Variants in NEDD9 observed in about 807,000 individuals in gnomAD.
The protein encoded by NEDD9 is enhancer of filamentation 1.
NEDD9 carries 26 observed loss-of-function variants against 76.6 expected under a neutral mutation model. The observed-to-expected ratio is 0.34, with a 90% CI of 0.25 to 0.47. NEDD9 has a LOEUF of 0.47. NEDD9 is among the 20% of genes least tolerant of loss of function. The probability of loss-of-function intolerance (pLI) is 1.00; values close to 1 mark genes in which losing one functional copy is unlikely to be tolerated. For synonymous variants in NEDD9, 392 were observed against 414.2 expected, an observed-to-expected ratio of 0.95 and a Z score of 0.65; for missense variants, 937 against 1,058.5, an observed-to-expected ratio of 0.89 and a Z score of 1.59.
rs114592948 is a variant in NEDD9, at chr6:11,281,746, T to C, written c.12+24246A>G. On this transcript the variant is annotated intron_variant, in intron 3 of 3. Coordinates refer to the NEDD9 transcript ENST00000397378. The stretch of plus-strand genomic sequence containing the variant: ...CAACCTCAGGATTACTCTTTTTTTA[T>C]ATATTTTTATTTTTATTTTTATCTT... Among the ~76,000 whole-genome samples the C allele has an allele frequency of 5.4e-3, 817 of 152,274 alleles. 5 individuals are homozygous for C. The highest frequency in any genetic ancestry group is 0.019 in the African/African-American group (781 of 41,564).
At chr6:11,216,906 C>A (rs559275019) in intron 1 of NEDD9, among the ~76,000 whole-genome samples, 1 of 152,298 alleles carries the variant, frequency 6.6e-6, no homozygotes, top group South Asian at 2.1e-4. Flanking sequence ...TATCTTAAAG[C>A]AGTATATTTC....
chr6:11,379,257 C>T (rs1763021140), intron 1 of NEDD9, among the ~76,000 whole-genome samples: 1 of 144,860 alleles, frequency 6.9e-6, no homozygotes, highest in African/African-American at 2.6e-5. Flanking sequence ...ATTCTGTGTG[C>T]TGTCAGGACT....
chr6:11,289,230 A>G (rs911479767), intron 3 of NEDD9, among the ~76,000 whole-genome samples: 3 of 152,274 alleles, frequency 2.0e-5, no homozygotes, highest in African/African-American at 7.2e-5. Flanking sequence ...GTGAACAATG[A>G]AGGCACATGT....
chr6:11,194,650 G>A (rs1351062961), intron 2 of NEDD9, among the ~76,000 whole-genome samples: 2 of 152,134 alleles, frequency 1.3e-5, no homozygotes, highest in African/African-American at 4.8e-5. Context: ...CTGACCTCTG[G>A]TCTCTAATCA....
intron 1 of NEDD9, among the ~76,000 whole-genome samples, chr6:11,345,007 G>A (rs1036521606): frequency 1.3e-5 from 2 of 152,304 alleles, no homozygotes; most frequent in South Asian, 2.1e-4. Flanking sequence ...GAATCTGGGG[G>A]AATTCTTGTG....
intron 1 of NEDD9, among the ~76,000 whole-genome samples, chr6:11,221,110 C>T (rs1326760671): frequency 1.3e-5 from 2 of 152,150 alleles, no homozygotes; most frequent in African/African-American, 2.4e-5. Context: ...AGGCCGCGCA[C>T]GGTGGCTCAC....
At chr6:11,284,579 A>G (rs1464016889) in intron 3 of NEDD9, among the ~76,000 whole-genome samples, 1 of 151,458 alleles carries the variant, frequency 6.6e-6, no homozygotes, top group Non-Finnish European at 1.5e-5. Context: ...AAAATAAAAA[A>G]TAAAAAATAA....
At chr6:11,215,047 C>G (rs538613291) in intron 1 of NEDD9, among the ~76,000 whole-genome samples, 1 of 152,186 alleles carries the variant, frequency 6.6e-6, no homozygotes, top group Non-Finnish European at 1.5e-5. Flanking sequence ...TTGCACTACT[C>G]GCGTCCCCTT....
intron 1 of NEDD9, among the ~76,000 whole-genome samples, chr6:11,218,872 C>T (rs577875352): frequency 6.6e-6 from 1 of 152,136 alleles, no homozygotes; most frequent in African/African-American, 2.4e-5. Flanking sequence ...TGACGCAGAT[C>T]GGGAGCCTGA....
chr6:11,191,542 G>A (rs2113720044), intron 4 of NEDD9, among the ~76,000 whole-genome samples: 1 of 152,162 alleles, frequency 6.6e-6, no homozygotes, highest in East Asian at 1.9e-4. Flanking sequence ...TTCTCCCCCG[G>A]TCTTTTTGGT....
At chr6:11,250,053 C>T (rs1386987442) in intron 3 of NEDD9, among the ~76,000 whole-genome samples, 1 of 152,204 alleles carries the variant, frequency 6.6e-6, no homozygotes, top group Non-Finnish European at 1.5e-5. Context: ...GCCTGTCACT[C>T]CACAGGAACA....
chr6:11,369,567 A>G (rs1298321079), intron 1 of NEDD9, among the ~76,000 whole-genome samples: 1 of 152,220 alleles, frequency 6.6e-6, no homozygotes, highest in Non-Finnish European at 1.5e-5. Context: ...TCACAAAGCA[A>G]CGTAAACTCA....
At chr6:11,343,056 A>C (rs1192865404) in intron 1 of NEDD9, among the ~76,000 whole-genome samples, 1 of 152,164 alleles carries the variant, frequency 6.6e-6, no homozygotes, top group African/African-American at 2.4e-5. Context: ...AAAGCCACTC[A>C]TCTGTACACT....
intron 5 of NEDD9, among the ~76,000 whole-genome samples, chr6:11,188,962 T>TC (rs1758053769): frequency 6.6e-6 from 1 of 151,462 alleles, no homozygotes; most frequent in Non-Finnish European, 1.5e-5. Flanking sequence ...TTTTTTTTTT[T>TC]CTGAGACAGA....
At chr6:11,374,722 C>A (rs1762944166) in intron 1 of NEDD9, among the ~76,000 whole-genome samples, 1 of 152,168 alleles carries the variant, frequency 6.6e-6, no homozygotes, top group Non-Finnish European at 1.5e-5. Flanking sequence ...AAGTGATGGA[C>A]CTTCATGGAA....
At chr6:11,269,323 G>T (rs1193798485) in intron 3 of NEDD9, among the ~76,000 whole-genome samples, 2 of 152,186 alleles carry the variant, frequency 1.3e-5, no homozygotes, top group African/African-American at 4.8e-5. Context: ...TATGCTATTT[G>T]TTTTGGTTTT....
At position 11,298,612 on chromosome 6, in the gene NEDD9, T is replaced by C. The variant is rs75435318; in HGVS notation, c.12+7380A>G. ...CTGTTTTTGTCTCAGTTTAGTAATG[T>C]TGGCTGAGTAGGTATAAAAAATGAG... is the stretch of plus-strand genomic sequence containing the variant. On this transcript the variant is annotated intron_variant, in intron 3 of 3. Transcript: ENST00000397378. 4.1e-3 allele frequency among the ~76,000 whole-genome samples: 626 copies of C among 152,358 alleles called. 6 individuals carry two copies. The East Asian group carries it at 0.053, about 13-fold the overall frequency.
chr6:11,341,027 C>T (rs1177876736), intron 1 of NEDD9, among the ~76,000 whole-genome samples: 2 of 152,190 alleles, frequency 1.3e-5, no homozygotes, highest in East Asian at 1.9e-4. Flanking sequence ...GCCTCCCACC[C>T]TTTCCATTGA....
In NEDD9 at chr6:11,241,818, G is replaced by A. The variant is rs946543739; in HGVS notation, c.13-28091C>T. Among the ~76,000 whole-genome samples the A allele has an allele frequency of 6.6e-6, 1 of 152,188 alleles. No homozygotes were observed. Among genetic ancestry groups the A allele is most frequent in the Non-Finnish European group, 1.5e-5 (1 of 68,028 alleles). On this transcript the variant is annotated intron_variant, in intron 3 of 3. Transcript: ENST00000397378. The surrounding 1 kb of genome is among the most constrained non-coding windows in gnomAD (Gnocchi z 4.0). Reference sequence around the variant, plus strand: ...ATCAGCTGAGGCCGGCCAATGTCCAGCAGGCCCCGGGCCCAGAGCCTCTGG... The same window carrying A: ...ATCAGCTGAGGCCGGCCAATGTCCAACAGGCCCCGGGCCCAGAGCCTCTGG...
Sources: allele counts gnomAD v4.1 joint callset (sites outside exome capture counted in the v4.1 genomes callset), GRCh38; gene constraint gnomAD v4.1.1; non-coding constraint Gnocchi (gnomAD v3.1); transcripts MANE v1.5; gene names NCBI Gene and HGNC (gene_info 2026-07-23, HGNC 2026-07-21).